SPDYE21: variants seen among roughly 807,000 people sequenced by gnomAD.
SPDYE21 encodes speedy/RINGO cell cycle regulator family member E21, also known as speedy protein E21.
SPDYE21 carries 14 observed loss-of-function variants against 36.2 expected under a neutral mutation model. The observed-to-expected ratio is 0.39, with a 90% CI of 0.26 to 0.61. SPDYE21 has a LOEUF of 0.61. Ranked by LOEUF, SPDYE21 falls within the 20% of genes least tolerant of loss-of-function variation. The pLI, the probability that SPDYE21 is intolerant of heterozygous loss-of-function variation, is 0.55. For synonymous variants in SPDYE21, 58 were observed against 155.1 expected (o/e 0.37, Z 4.65); for missense variants, 233 against 424.6 (o/e 0.55, Z 3.97).
intron 4 of SPDYE21, 36 bp downstream of exon 4, chr7:67,281,640 T>G: frequency 6.3e-7 from 1 of 1,585,100 alleles, no homozygotes; most frequent in Non-Finnish European, 8.5e-7. Flanking sequence ...TCCAATCCTG[T>G]TCTTTCCAAA....
chr7:67,286,669 A>C lies in SPDYE21; in HGVS notation c.*45+5A>C, dbSNP rs557994914. 8.5e-5 allele frequency among the ~76,000 whole-genome samples: 13 copies of C among 152,178 alleles called. No homozygotes were observed. In the South Asian group the frequency reaches 1.9e-3, roughly 22 times the overall value. ...AGGTCATCGGCCTGAGAGAAGGTAC[A>C]TCTGCATCCTCCGGGGTAAAGGCAG... On this transcript the variant is annotated splice_donor_5th_base_variant and intron_variant, in intron 8 of 8. Coordinates refer to ENST00000424157, the MANE Select transcript of SPDYE21 (RefSeq NM_001382715.2).
At chr7:67,279,183 CAAA>C (rs1223759313) in intron 2 of SPDYE21, among the ~76,000 whole-genome samples, 4 of 115,632 alleles carry the variant, frequency 3.5e-5, no homozygotes, top group African/African-American at 3.2e-5. Context: ...ACTGCACTCC[CAAA>C]AAAAAAAAAA....
intron 6 of SPDYE21, among the ~76,000 whole-genome samples, chr7:67,285,823 G>A (rs1185894883): frequency 1.3e-5 from 2 of 151,900 alleles, no homozygotes; most frequent in Non-Finnish European, 2.9e-5. Context: ...CACCACTCTC[G>A]GCCACCAGTT....
At position 67,286,081 on chromosome 7, in the gene SPDYE21, T is replaced by G; in HGVS notation, c.793T>G (p.Ser265Ala). Residue 265 changes from serine (S) to alanine (A), a missense_variant, in exon 7 of 9, where the codon TCC (serine) becomes GCC (alanine). Transcript: ENST00000424157. ...TGACATGGAGGAGGACGACGAGGAC[T>G]CCAAACAAAACATCTTCCACTTCCT... ...ANDMEEDDED[S>A]KQNIFHFLYG... 1.2e-6 allele frequency: 2 copies of G among 1,613,702 alleles called. No individual in the cohort carries two copies. Among genetic ancestry groups the G allele is most frequent in the Non-Finnish European group, 8.5e-7 (1 of 1,180,032 alleles).
At chr7:67,277,227 T>A (rs1385878120) in intron 1 of SPDYE21, among the ~76,000 whole-genome samples, 165 bp downstream of exon 1, 1 of 151,906 alleles carries the variant, frequency 6.6e-6, no homozygotes, top group Non-Finnish European at 1.5e-5. Flanking sequence ...CTGGCTAATT[T>A]TTTGTATTTT....
chr7:67,286,504 G>A (rs1278123885), intron 7 of SPDYE21, among the ~76,000 whole-genome samples, 56 bp from the exon 8 acceptor site: 1 of 151,974 alleles, frequency 6.6e-6, no homozygotes, highest in African/African-American at 2.4e-5. Context: ...TGGATGAGGG[G>A]AGAGAGGGGT....
intron 4 of SPDYE21, among the ~76,000 whole-genome samples, chr7:67,281,936 C>A (rs1802647628): frequency 1.3e-5 from 2 of 152,118 alleles, no homozygotes; most frequent in African/African-American, 2.4e-5. Context: ...TACACCACTG[C>A]ACTCCAGCCT....
Position 67,286,362 on chromosome 7 carries a change from G to A in SPDYE21, c.1074G>A (p.Leu358=). 1 of 1,613,914 alleles carries A rather than the reference G, an allele frequency of 6.2e-7. No homozygotes were observed. Among genetic ancestry groups the A allele is most frequent in the Non-Finnish European group, 8.5e-7 (1 of 1,180,040 alleles). Residue 358 remains leucine, a synonymous_variant, in exon 7 of 9, where the codon CTG becomes CTA. Transcript: ENST00000424157. The part of the protein sequence containing the change: ...RARKNRSQIV[L]FQKLRFQFFC... ...GGAAGAACCGCTCTCAGATAGTCCT[G>A]TTCCAGAAACTTCGGTTCCAGTTCT... is the stretch of plus-strand genomic sequence containing the variant.
chr7:67,277,042 C>T lies in SPDYE21; in HGVS notation c.-443C>T, dbSNP rs1169434328. 2.0e-5 allele frequency among the ~76,000 whole-genome samples: 3 copies of T among 152,026 alleles called. No homozygotes were observed. The highest frequency in any genetic ancestry group is 1.3e-4 in the Admixed American group (2 of 15,246). ...GGAAAGCAGCAGCCCATTAGGAAAA[C>T]GTGTGGGAACTCACTCGCAGGTTCT... On this transcript the variant is annotated 5_prime_UTR_variant, in exon 1 of 9. The change creates a new upstream start codon in the 5' untranslated region. Transcript: ENST00000424157.
intron 6 of SPDYE21, among the ~76,000 whole-genome samples, chr7:67,284,368 G>A (rs1221548985): frequency 6.8e-6 from 1 of 146,656 alleles, no homozygotes; most frequent in Non-Finnish European, 1.5e-5. Flanking sequence ...AGAACCCTTT[G>A]AACCCAGGAG....
chr7:67,282,573 C>T (rs1802658529), intron 4 of SPDYE21, 62 bp from the exon 5 acceptor site: 4 of 1,596,210 alleles, frequency 2.5e-6, no homozygotes, highest in African/African-American at 2.7e-5. Context: ...TTCTCGCTGC[C>T]CTGCTGCTCC....
rs200220787 is a variant in SPDYE21 at position 67,286,315 on chromosome 7, C to T, written c.1027C>T (p.Arg343Cys). The T allele has an allele frequency of 1.3e-5, 21 of 1,600,404 alleles. No homozygotes were observed. Among genetic ancestry groups the T allele is most frequent in the Non-Finnish European group, 1.8e-5 (21 of 1,169,924 alleles). ...LVRKRRFQLR[R>C]CMNPRARKNR... ...CCGTAAGCGTCGGTTCCAGTTACGC[C>T]GTTGCATGAACCCGAGGGCCAGGAA... Residue 343 changes from arginine to cysteine, a missense_variant, in exon 7 of 9, where the codon CGT becomes TGT. Physicochemically the swap from Arg to Cys is radical, Grantham distance 180. Coordinates refer to ENST00000424157, the MANE Select transcript of SPDYE21 (RefSeq NM_001382715.2).
At position 67,286,091 on chromosome 7, in the gene SPDYE21, A is replaced by C. The variant is rs1389300710; in HGVS notation, c.803A>C (p.Asn268Thr). The C allele has an allele frequency of 6.2e-7, 1 of 1,613,782 alleles. No homozygotes were observed. Among genetic ancestry groups the C allele is most frequent in the Non-Finnish European group, 8.5e-7 (1 of 1,180,016 alleles). Residue 268 changes from asparagine to threonine, a missense_variant, in exon 7 of 9, where the codon AAC becomes ACC. This residue lies in a region of SPDYE21 where 139 missense variants were observed against 175.8 expected (regional missense o/e 0.79). Transcript: ENST00000424157. ...GAGGACGACGAGGACTCCAAACAAA[A>C]CATCTTCCACTTCCTGTATGGGAAG... ...MEEDDEDSKQ[N>T]IFHFLYGKTR...
intron 8 of SPDYE21, among the ~76,000 whole-genome samples, 122 bp from the exon 9 acceptor site, chr7:67,287,396 G>A (rs930164406): frequency 2.0e-5 from 3 of 152,162 alleles, no homozygotes; most frequent in African/African-American, 4.8e-5. Context: ...TAGAATGAAA[G>A]GCAGCAGATA....
chr7:67,287,393 A>G (rs1337794260), intron 8 of SPDYE21, among the ~76,000 whole-genome samples, 125 bp from the exon 9 acceptor site: 1 of 152,176 alleles, frequency 6.6e-6, no homozygotes, highest in African/African-American at 2.4e-5. Context: ...GTATAGAATG[A>G]AAGGCAGCAG....
At chr7:67,284,058 T>C in intron 6 of SPDYE21, 60 bp downstream of exon 6, 1 of 637,352 alleles carries the variant, frequency 1.6e-6, no homozygotes, top group Non-Finnish European at 2.8e-6. Context: ...GCGGGGGAAG[T>C]GGGATTCCAG....
chr7:67,285,443 T>A (rs1352470548), intron 6 of SPDYE21, among the ~76,000 whole-genome samples: 2 of 151,822 alleles, frequency 1.3e-5, no homozygotes, highest in Non-Finnish European at 2.9e-5. Context: ...CAGGCTGGAA[T>A]GGAGTGGCCC....
chr7:67,277,692 G>A (rs1289299908), intron 1 of SPDYE21, among the ~76,000 whole-genome samples: 5 of 151,760 alleles, frequency 3.3e-5, no homozygotes, highest in African/African-American at 9.7e-5. Flanking sequence ...CCAAAGTGCT[G>A]GGATTACAAG....
rs201048512 is a variant in SPDYE21, at chr7:67,286,225, C to T, written c.937C>T (p.Arg313Trp). 5.8e-4 allele frequency: 940 copies of T among 1,608,602 alleles called. 3 individuals carry two copies. The highest frequency in any genetic ancestry group is 7.4e-4 in the South Asian group (67 of 90,656). Residue 313 changes from arginine to tryptophan, a missense_variant, in exon 7 of 9, where the codon CGG (arginine) becomes TGG (tryptophan). Coordinates refer to ENST00000424157, the MANE Select transcript of SPDYE21 (RefSeq NM_001382715.2). ...TCGCATACCCTTGCTCCGTAAGCGT[C>T]GGTTCCAGTTAGGCCGTTCCATGAA... ...RSRIPLLRKR[R>W]FQLGRSMNPR... is the part of the protein sequence containing the mutation.
Sources: allele counts gnomAD v4.1 joint callset (sites outside exome capture counted in the v4.1 genomes callset), GRCh38; gene constraint gnomAD v4.1.1; regional missense constraint gnomAD v4.1.1; transcripts MANE v1.5; gene names NCBI Gene and HGNC (gene_info 2026-07-23, HGNC 2026-07-21).